VPS39: variants seen among roughly 807,000 people sequenced by gnomAD.
VPS39 encodes the protein vam6/Vps39-like protein.
Under a neutral mutation model 121.0 loss-of-function variants are expected in VPS39, and 70 were observed. The ratio of observed to expected loss-of-function variants is 0.58; its 90% CI spans 0.48 to 0.71. The LOEUF (loss-of-function observed/expected upper bound fraction) is 0.71, where lower values mean the gene tolerates loss of function less well. Ranked by LOEUF, VPS39 falls within the 30% of genes least tolerant of loss-of-function variation. The probability of loss-of-function intolerance (pLI) is 0.00; values close to 1 mark genes in which losing one functional copy is unlikely to be tolerated. For synonymous variants in VPS39, 378 were observed against 398.1 expected (o/e 0.95, Z 0.60); for missense variants, 818 against 1,051.5 (o/e 0.78, Z 3.07).
At chr15:42,173,612 A>G in intron 11 of VPS39, 111 bp downstream of exon 11, 3 of 1,408,748 alleles carry the variant, frequency 2.1e-6, no homozygotes, top group Non-Finnish European at 2.9e-6. Context: ...GGATCAATTT[A>G]GCTGAGCCTA....
rs2049080576 is a variant in VPS39, at chr15:42,159,203, A to G, written c.*1551T>C. 6.6e-6 allele frequency: 1 copy of G among 152,268 alleles called. No individual in the cohort carries two copies. The highest frequency in any genetic ancestry group is 2.1e-4 in the South Asian group (1 of 4,834). 9.4% of individuals were successfully genotyped at this position (152,268 alleles called of 1,614,324 possible). On this transcript the variant is annotated 3_prime_UTR_variant, in exon 25 of 25. Coordinates refer to ENST00000318006, the MANE Select transcript of VPS39 (RefSeq NM_015289.5). ...TCTGCGAATGGGGCCAATGGCACTC[A>G]CTGTCTCTTCAGGCCCCCACGGACG...
rs757118152 is a variant in VPS39, at chr15:42,166,531, G to A, written c.1606+32C>T. On this transcript the variant is annotated intron_variant, in intron 15 of 24. Transcript: ENST00000318006. ...GAGACCAGGTCATTTGAACAGGAGC[G>A]CTTTCCCACCCCTTTCAAAAGGCGG... 140 of 1,610,006 alleles carry A rather than the reference G, an allele frequency of 8.7e-5. 6 individuals carry two copies. The highest frequency in any genetic ancestry group is 8.7e-4 in the South Asian group (79 of 90,976).
chr15:42,185,586 A>G (rs1176937323), intron 7 of VPS39, among the ~76,000 whole-genome samples: 2 of 152,190 alleles, frequency 1.3e-5, no homozygotes, highest in Non-Finnish European at 2.9e-5. Context: ...ACACAACAAC[A>G]TGGATAAATC....
Position 42,160,668 on chromosome 15 carries a change from G to T in VPS39, c.*86C>A. On this transcript the variant is annotated 3_prime_UTR_variant, in exon 25 of 25. Transcript: ENST00000318006. Reference sequence around the variant, plus strand: ...CCAAATGGGGAGCCTTGTGGTGGTGGCAGCCAGGATTCCTAAGGCCAGGTG... The same window carrying T: ...CCAAATGGGGAGCCTTGTGGTGGTGTCAGCCAGGATTCCTAAGGCCAGGTG... 2 of 1,206,422 alleles carry T rather than the reference G, an allele frequency of 1.7e-6. No individual in the cohort carries two copies. The highest frequency in any genetic ancestry group is 2.5e-6 in the Non-Finnish European group (2 of 810,220). 74.7% of individuals were successfully genotyped at this position (1,206,422 alleles called of 1,614,324 possible).
chr15:42,169,792 G>GGTTGGGATACTGCAACTGCTTTCTGTA lies in VPS39; in HGVS notation c.1138_1164dup (p.Tyr380_Asn388dup). The GGTTGGGATACTGCAACTGCTTTCTGTA allele has an allele frequency of 6.2e-7, 1 of 1,614,120 alleles. No homozygotes were observed. The highest frequency in any genetic ancestry group is 8.5e-7 in the Non-Finnish European group (1 of 1,180,024). Reference sequence around the variant, plus strand: ...TCAGCCCCGGAGAGCACAGGCAATGGGTTGGGATACTGCAACTGCTTTCTG... The same window carrying GGTTGGGATACTGCAACTGCTTTCTGTA: ...TCAGCCCCGGAGAGCACAGGCAATGGGTTGGGATACTGCAACTGCTTTCTGTAGTTGGGATACTGCAACTGCTTTCTG... On this transcript the variant is annotated inframe_insertion, in exon 12 of 25. Coordinates refer to ENST00000318006, the MANE Select transcript of VPS39 (RefSeq NM_015289.5).
intron 8 of VPS39, among the ~76,000 whole-genome samples, chr15:42,179,827 T>C (rs183107622): frequency 6.2e-4 from 94 of 152,198 alleles, no homozygotes; most frequent in African/African-American, 2.1e-3. Flanking sequence ...AACTTATGCA[T>C]TGGACACTTA....
chr15:42,187,463 A>AC, intron 6 of VPS39, 100 bp from the exon 7 acceptor site: 1 of 1,080,498 alleles, frequency 9.3e-7, no homozygotes, highest in Non-Finnish European at 1.3e-6. Context: ...AACAACCCTC[A>AC]CCCTCATCGG....
chr15:42,198,806 A>T (rs1278557705), intron 2 of VPS39, among the ~76,000 whole-genome samples: 2 of 152,242 alleles, frequency 1.3e-5, no homozygotes, highest in Non-Finnish European at 2.9e-5. Flanking sequence ...AGGCAGAGTT[A>T]AGTAGTAACA....
intron 15 of VPS39, 142 bp downstream of exon 15, chr15:42,166,421 A>G: frequency 8.6e-7 from 1 of 1,159,826 alleles, no homozygotes; most frequent in Non-Finnish European, 1.2e-6. Flanking sequence ...CCACCGAGGG[A>G]CTTTTATGCC....
rs534741944 is a variant in VPS39 at position 42,166,020 on chromosome 15, G to A, written c.1680+139C>T. On this transcript the variant is annotated intron_variant, in intron 16 of 24. Coordinates refer to ENST00000318006, the MANE Select transcript of VPS39 (RefSeq NM_015289.5). ...TCTCTACCAACTACAGTGCTGGCTC[G>A]CGCTTCCCAGTCCACCCTTTCTTCA... The A allele has an allele frequency of 3.0e-5, 30 of 1,000,982 alleles. No individual in the cohort carries two copies. In the South Asian group the frequency reaches 3.8e-4, roughly 13 times the overall value. The allele number at this position is 1,000,982 out of a possible 1,614,324, so 62.0% of individuals were successfully genotyped here.
chr15:42,161,371 A>C, intron 24 of VPS39: 1 of 451,518 alleles, frequency 2.2e-6, no homozygotes, highest in Non-Finnish European at 4.1e-6. Flanking sequence ...GATCTTCCTT[A>C]TAAGAACTTT....
chr15:42,207,575 CAT>C (rs976759966), intron 1 of VPS39, among the ~76,000 whole-genome samples: 3 of 152,110 alleles, frequency 2.0e-5, no homozygotes, highest in Non-Finnish European at 4.4e-5. Context: ...TAGCTAACTA[CAT>C]GAGTTCCCTA....
chr15:42,197,540 A>C (rs641119), intron 2 of VPS39, among the ~76,000 whole-genome samples: 20,723 of 152,098 alleles, frequency 0.14, 1,785 homozygotes, highest in South Asian at 0.24. Context: ...GCGACACAGC[A>C]AGACCCTGTC....
intron 12 of VPS39, 150 bp from the exon 13 acceptor site, chr15:42,167,687 C>T: frequency 1.1e-6 from 1 of 947,006 alleles, no homozygotes; most frequent in Middle Eastern, 2.3e-4. Context: ...CAAATTGCCA[C>T]AGAGACAACA....
Position 42,184,505 on chromosome 15 carries a change from T to C in VPS39, c.718+12A>G, listed in dbSNP as rs2049658048. On this transcript the variant is annotated intron_variant, in intron 8 of 24. Coordinates refer to ENST00000318006, the MANE Select transcript of VPS39 (RefSeq NM_015289.5). ...ACCCAAAGTGGGAAACAGCAGCTACTGTTGGTCTCACCCATGGCCACTGGT... is the reference window on the plus strand; with the variant it reads ...ACCCAAAGTGGGAAACAGCAGCTACCGTTGGTCTCACCCATGGCCACTGGT... The C allele has an allele frequency of 6.3e-7, 1 of 1,588,744 alleles. No homozygotes were observed. The highest frequency in any genetic ancestry group is 1.1e-5 in the South Asian group (1 of 87,270).
At chr15:42,203,590 G>A (rs1427453858) in intron 1 of VPS39, among the ~76,000 whole-genome samples, 1 of 152,072 alleles carries the variant, frequency 6.6e-6, no homozygotes, top group Admixed American at 6.6e-5. Flanking sequence ...AGTGAGTGGA[G>A]ATTGTGCGCC....
At chr15:42,184,234 GA>G (rs1297542085) in intron 8 of VPS39, 1 of 234,916 alleles carries the variant, frequency 4.3e-6, no homozygotes, top group African/African-American at 2.3e-5. Flanking sequence ...AAAGGAGGAA[GA>G]AAAAAACTAA....
intron 2 of VPS39, among the ~76,000 whole-genome samples, chr15:42,195,280 T>C (rs993695132): frequency 6.6e-6 from 1 of 151,976 alleles, no homozygotes. Context: ...GTCTCTAAAA[T>C]AGTACAAAAA....
chr15:42,182,826 G>A (rs556257501), intron 8 of VPS39, among the ~76,000 whole-genome samples: 23 of 152,292 alleles, frequency 1.5e-4, no homozygotes, highest in Non-Finnish European at 2.8e-4. Flanking sequence ...AGGCACTAAC[G>A]AAGGTTGGAA....
Sources: allele counts gnomAD v4.1 joint callset (sites outside exome capture counted in the v4.1 genomes callset), GRCh38; gene constraint gnomAD v4.1.1; transcripts MANE v1.5; gene names NCBI Gene and HGNC (gene_info 2026-07-23, HGNC 2026-07-21).